FRS3: variants seen among roughly 807,000 people sequenced by gnomAD.
FRS3 encodes the protein fibroblast growth factor receptor substrate 3.
Under a neutral mutation model 41.9 loss-of-function variants are expected in FRS3, and 17 were observed. The ratio of observed to expected loss-of-function variants is 0.41; its 90% CI spans 0.28 to 0.61. FRS3 has a LOEUF of 0.61. Among genes scored for constraint, FRS3 ranks in the 20% least tolerant of loss-of-function variants. The pLI, the probability that FRS3 is intolerant of heterozygous loss-of-function variation, is 0.36. For missense variants in FRS3, 619 were observed against 672.1 expected (o/e 0.92, Z 0.87); for synonymous variants, 287 against 274.5 (o/e 1.05, Z -0.45).
In FRS3 at chr6:41,778,068, G is replaced by A. The variant is rs532706356; in HGVS notation, c.-59C>T. ...CCATCGGGGAGCTGACCGTGGGAGG[G>A]GCATGGGGAAGGGTTCCCACTTTAT... On this transcript the variant is annotated 5_prime_UTR_variant, in exon 2 of 7. Transcript: ENST00000373018. 1 of 152,714 alleles carries A rather than the reference G, an allele frequency of 6.5e-6. No homozygotes were observed. Among genetic ancestry groups the A allele is most frequent in the Non-Finnish European group, 1.5e-5 (1 of 68,124 alleles). 9.5% of individuals were successfully genotyped at this position (152,714 alleles called of 1,614,324 possible).
intron 3 of FRS3, 101 bp from the exon 4 acceptor site, chr6:41,775,706 G>A (rs1196080880): frequency 3.6e-6 from 3 of 844,224 alleles, no homozygotes; most frequent in Non-Finnish European, 2.0e-6. Context: ...CAAGAGGTGG[G>A]GAACCAAAGG....
chr6:41,771,860 G>A lies in FRS3; in HGVS notation c.520C>T (p.Leu174Phe). Residue 174 changes from leucine to phenylalanine, a missense_variant, in exon 6 of 7, where the codon CTT (leucine) becomes TTT (phenylalanine). Around this residue, in one of 3 missense-constraint regions of FRS3, gnomAD observed 487 missense variants for 478.3 expected, o/e 1.02. Coordinates refer to ENST00000373018, the MANE Select transcript of FRS3 (RefSeq NM_006653.5). The stretch of plus-strand genomic sequence containing the variant: ...AGGGCATGGGTGGACTCTTCCCCAA[G>A]CGAGGGGTGCCGCAGGCTGCTTGTC... ...LSTSSLRHPS[L>F]GEESTHALIA... 6.4e-7 allele frequency: 1 copy of A among 1,553,144 alleles called. No homozygotes were observed. The highest frequency in any genetic ancestry group is 2.4e-5 in the East Asian group (1 of 41,184).
chr6:41,774,452 T>G (rs1425609885), intron 4 of FRS3, among the ~76,000 whole-genome samples: 3 of 152,152 alleles, frequency 2.0e-5, no homozygotes, highest in Non-Finnish European at 4.4e-5. Context: ...GTCCCTAACC[T>G]CATAGATTAA....
At chr6:41,771,779 G>A in intron 6 of FRS3, 37 bp downstream of exon 6, 1 of 1,544,694 alleles carries the variant, frequency 6.5e-7, no homozygotes, top group Non-Finnish European at 8.7e-7. Context: ...TCCCCACCCA[G>A]ACCAACAGGG....
In FRS3 at chr6:41,771,546, T is replaced by A. The variant is rs1772295228; in HGVS notation, c.565-13A>T. ...CATAGGTGTGGGACTGGGGAAAGAG[T>A]CCAAGTGAGGCAGGAGTGTCCCAGG... is the stretch of plus-strand genomic sequence containing the variant. On this transcript the variant is annotated splice_polypyrimidine_tract_variant and intron_variant, in intron 6 of 6. Transcript: ENST00000373018. The A allele has an allele frequency of 4.0e-6, 6 of 1,512,954 alleles. No homozygotes were observed. The South Asian group carries it at 7.6e-5, about 19-fold the overall frequency. 93.7% of individuals were successfully genotyped at this position (1,512,954 alleles called of 1,614,324 possible).
At position 41,771,826 on chromosome 6, in the gene FRS3, G is replaced by A. The variant is rs1221774954; in HGVS notation, c.554C>T (p.Pro185Leu). ...CGGCTGCGTGCTCACCTGCTCATCA[G>A]GAGCAATGAGGGCATGGGTGGACTC... ...GEESTHALIA[P>L]DEQSHTYVNT... The change falls in exon 6 of 7, where the codon CCT becomes CTT. Residue 185 changes from proline to leucine, a missense_variant. Physicochemically the swap from Pro to Leu is moderately conservative, Grantham distance 98. Around this residue, in one of 3 missense-constraint regions of FRS3, gnomAD observed 487 missense variants for 478.3 expected, o/e 1.02. Coordinates refer to ENST00000373018, the MANE Select transcript of FRS3 (RefSeq NM_006653.5). 1.3e-6 allele frequency: 2 copies of A among 1,551,982 alleles called. No homozygotes were observed. The highest frequency in any genetic ancestry group is 2.7e-5 in the African/African-American group (2 of 73,184).
intron 1 of FRS3, among the ~76,000 whole-genome samples, chr6:41,779,113 G>A (rs1052346684): frequency 2.0e-5 from 3 of 152,226 alleles, no homozygotes; most frequent in East Asian, 1.9e-4. Flanking sequence ...AGCCACCGAC[G>A]GGGGCACGGC....
chr6:41,779,211 G>T (rs1772474217), intron 1 of FRS3, among the ~76,000 whole-genome samples: 1 of 152,084 alleles, frequency 6.6e-6, no homozygotes. Context: ...AAGATATCAG[G>T]ATGTATCAGA....
chr6:41,774,092 G>A (rs1007661276), intron 4 of FRS3, among the ~76,000 whole-genome samples: 1 of 151,966 alleles, frequency 6.6e-6, no homozygotes, highest in Non-Finnish European at 1.5e-5. Flanking sequence ...TGGGACTACA[G>A]GTGCCCGCTA....
intron 6 of FRS3, 37 bp downstream of exon 6, chr6:41,771,779 G>T: frequency 1.3e-6 from 2 of 1,544,694 alleles, no homozygotes; most frequent in Non-Finnish European, 1.7e-6. Context: ...TCCCCACCCA[G>T]ACCAACAGGG....
At chr6:41,771,765 C>T in intron 6 of FRS3, 51 bp downstream of exon 6, 1 of 1,535,326 alleles carries the variant, frequency 6.5e-7, no homozygotes, top group South Asian at 1.2e-5. Flanking sequence ...TTTCCTATCC[C>T]TCGTCCCCAC....
chr6:41,770,670 G>A lies in FRS3; in HGVS notation c.1428C>T (p.Asp476=), dbSNP rs772489038. 19 of 1,614,182 alleles carry A rather than the reference G, an allele frequency of 1.2e-5. No individual in the cohort carries two copies. Among genetic ancestry groups the A allele is most frequent in the South Asian group, 5.5e-5 (5 of 91,080 alleles). The change falls in exon 7 of 7, where the codon GAC becomes GAT. Residue 476 remains aspartate, a synonymous_variant. Transcript: ENST00000373018. ...MSNLQRALPR[D]DGTARKTRHN... ...GCCGGGTTTTCCTGGCGGTGCCATC[G>A]TCTCGGGGCAGAGCTCTCTGCAGGT... is the stretch of plus-strand genomic sequence containing the variant.
In FRS3 at chr6:41,770,524, AC is replaced by A. The variant is rs1561889322; in HGVS notation, c.*94del. On this transcript the variant is annotated 3_prime_UTR_variant, in exon 7 of 7. Coordinates refer to ENST00000373018, the MANE Select transcript of FRS3 (RefSeq NM_006653.5). ...CCACCTCCATGCCTTCTGCAAAGCA[AC>A]CCTGAACCCTGGGGAGGGTGGGTTC... The A allele has an allele frequency of 2.3e-6, 3 of 1,295,872 alleles. No homozygotes were observed. The highest frequency in any genetic ancestry group is 2.2e-6 in the Non-Finnish European group (2 of 901,954). The allele number at this position is 1,295,872 out of a possible 1,614,324, so 80.3% of individuals were successfully genotyped here.
At chr6:41,774,170 C>T (rs553608587) in intron 4 of FRS3, among the ~76,000 whole-genome samples, 11 of 152,140 alleles carry the variant, frequency 7.2e-5, no homozygotes, top group African/African-American at 2.7e-4. Flanking sequence ...AGGATGGTCT[C>T]GATCTCCTGA....
chr6:41,777,122 C>T, intron 2 of FRS3, 112 bp from the exon 3 acceptor site: 2 of 712,084 alleles, frequency 2.8e-6, no homozygotes, highest in Non-Finnish European at 5.0e-6. Context: ...GTCCAAGAGA[C>T]TGTGTGATAC....
chr6:41,776,695 G>A, intron 3 of FRS3: 1 of 495,512 alleles, frequency 2.0e-6, no homozygotes, highest in Non-Finnish European at 3.6e-6. Context: ...GCACCATTAT[G>A]GCATTTCTTC....
In FRS3 at chr6:41,770,307, A is replaced by G; in HGVS notation, c.*312T>C. The G allele has an allele frequency of 2.8e-6, 1 of 358,210 alleles. No homozygotes were observed. 22.2% of individuals were successfully genotyped at this position (358,210 alleles called of 1,614,324 possible). On this transcript the variant is annotated 3_prime_UTR_variant, in exon 7 of 7. Coordinates refer to ENST00000373018, the MANE Select transcript of FRS3 (RefSeq NM_006653.5). The stretch of plus-strand genomic sequence containing the variant: ...AAAATTCCAACCAAAAAAAACACAC[A>G]CGGACAGTCGGCAGACAAGACAAAT...
intron 2 of FRS3, 133 bp from the exon 3 acceptor site, chr6:41,777,143 T>C: frequency 3.1e-6 from 2 of 636,768 alleles, no homozygotes; most frequent in East Asian, 5.5e-5. Context: ...AGACCCCCCC[T>C]CAAAGACTTC....
chr6:41,779,656 C>T (rs1450986733), intron 1 of FRS3, among the ~76,000 whole-genome samples, 160 bp downstream of exon 1: 2 of 151,910 alleles, frequency 1.3e-5, no homozygotes, highest in Non-Finnish European at 2.9e-5. Context: ...TCTGGGTGCG[C>T]GCTGTCCCCG....
Sources: allele counts gnomAD v4.1 joint callset (sites outside exome capture counted in the v4.1 genomes callset), GRCh38; gene constraint gnomAD v4.1.1; regional missense constraint gnomAD v4.1.1; transcripts MANE v1.5; gene names NCBI Gene and HGNC (gene_info 2026-07-23, HGNC 2026-07-21).